NREP: variants seen among roughly 807,000 people sequenced by gnomAD.
The protein encoded by NREP is neuronal regeneration related protein.
A neutral mutation model predicts 8.6 loss-of-function variants in NREP; 5 were observed. The observed-to-expected ratio is 0.58, with a 90% CI of 0.30 to 1.22. The LOEUF is 1.22. Ranked by LOEUF, NREP falls within the 50% of genes most tolerant of loss-of-function variation. The pLI is 0.07. For synonymous variants in NREP, 27 were observed against 28.0 expected (o/e 0.96, Z 0.11); for missense variants, 86 against 82.5 (o/e 1.04, Z -0.17).
At chr5:111,887,036 G>A (rs1754270816) in intron 2 of NREP, among the ~76,000 whole-genome samples, 1 of 151,610 alleles carries the variant, frequency 6.6e-6, no homozygotes, top group African/African-American at 2.4e-5. Context: ...TGATCCTCAT[G>A]CCTCACCCTC....
At chr5:111,851,902 A>G (rs141257117) in intron 2 of NREP, among the ~76,000 whole-genome samples, 1 of 152,300 alleles carries the variant, frequency 6.6e-6, no homozygotes, top group Non-Finnish European at 1.5e-5. Context: ...TTGTCAACTT[A>G]AAATAAAATG....
intron 2 of NREP, among the ~76,000 whole-genome samples, chr5:111,908,791 C>T (rs1754837641): frequency 6.6e-6 from 1 of 151,956 alleles, no homozygotes; most frequent in Non-Finnish European, 1.5e-5. Flanking sequence ...GATATATACC[C>T]ACTAACGGAA....
intron 2 of NREP, among the ~76,000 whole-genome samples, chr5:111,788,532 T>C (rs746007557): frequency 6.6e-6 from 1 of 152,184 alleles, no homozygotes; most frequent in Non-Finnish European, 1.5e-5. Context: ...CAGAACTGAC[T>C]GGGAAGAACA....
In NREP at chr5:111,819,195, C is replaced by T. The variant is rs140204269; in HGVS notation, c.136-83688G>A. Among the ~76,000 whole-genome samples the T allele has an allele frequency of 3.5e-3, 533 of 152,226 alleles. 6 individuals are homozygous for T. The highest frequency in any genetic ancestry group is 0.012 in the African/African-American group (513 of 41,534). Reference sequence around the variant, plus strand: ...TGGTCACCTGCTTTGACCTGAGTCACCCCTGGTCACCTGCTCTGACCTGAA... The same window carrying T: ...TGGTCACCTGCTTTGACCTGAGTCATCCCTGGTCACCTGCTCTGACCTGAA... On this transcript the variant is annotated intron_variant, in intron 2 of 3. Transcript: ENST00000395634.
chr5:111,917,729 A>T, intron 2 of NREP, among the ~76,000 whole-genome samples: 1 of 152,204 alleles, frequency 6.6e-6, no homozygotes, highest in East Asian at 1.9e-4. Context: ...AGAGCTATTT[A>T]TGACAAACCC....
intron 2 of NREP, among the ~76,000 whole-genome samples, chr5:111,859,853 C>G (rs1172078765): frequency 6.6e-6 from 1 of 152,042 alleles, no homozygotes. Flanking sequence ...TAAACATAAA[C>G]CTAAATTAAT....
At chr5:111,761,623 T>A (rs1750961636), upstream of NREP, among the ~76,000 whole-genome samples, 1 of 152,214 alleles carries the variant, frequency 6.6e-6, no homozygotes, top group Non-Finnish European at 1.5e-5. Context: ...AAGGAACAGA[T>A]CGCAGGATAC....
intron 2 of NREP, among the ~76,000 whole-genome samples, chr5:111,949,196 T>C (rs2112630884): frequency 6.6e-6 from 1 of 152,152 alleles, no homozygotes; most frequent in East Asian, 1.9e-4. Context: ...CCACCACAAA[T>C]GCTGTCATGT....
intron 2 of NREP, among the ~76,000 whole-genome samples, chr5:111,965,388 A>G (rs1477278580): frequency 6.6e-6 from 1 of 152,202 alleles, no homozygotes; most frequent in Non-Finnish European, 1.5e-5. Flanking sequence ...TATTGGCAGG[A>G]GGTTGTATCT....
intron 2 of NREP, among the ~76,000 whole-genome samples, chr5:111,840,692 C>A (rs1753007635): frequency 6.6e-6 from 1 of 152,064 alleles, no homozygotes; most frequent in African/African-American, 2.4e-5. Flanking sequence ...TTATTAAATA[C>A]TTATAAACTG....
intron 2 of NREP, among the ~76,000 whole-genome samples, chr5:111,902,061 T>C (rs1215271935): frequency 6.6e-6 from 1 of 152,098 alleles, no homozygotes; most frequent in Non-Finnish European, 1.5e-5. Flanking sequence ...ACTACAAAGC[T>C]ACTGTAACCA....
chr5:111,923,639 G>A (rs1253904239), intron 2 of NREP, among the ~76,000 whole-genome samples: 1 of 152,140 alleles, frequency 6.6e-6, no homozygotes, highest in Non-Finnish European at 1.5e-5. Flanking sequence ...GCACCAGTAG[G>A]GCCACTGCTG....
upstream of NREP, chr5:111,757,973 G>A (rs1257619364): frequency 2.0e-6 from 2 of 985,414 alleles, no homozygotes; most frequent in African/African-American, 1.7e-5. Context: ...GAGGAAAAGA[G>A]GACGGCGACG....
chr5:111,939,574 C>T (rs368910380), intron 2 of NREP, among the ~76,000 whole-genome samples: 28 of 152,138 alleles, frequency 1.8e-4, no homozygotes, highest in African/African-American at 5.8e-4. Flanking sequence ...AAAAAAAATT[C>T]GAGTTGCCGC....
upstream of NREP, among the ~76,000 whole-genome samples, chr5:111,760,441 C>T (rs1009695701): frequency 5.3e-5 from 8 of 152,070 alleles, no homozygotes; most frequent in East Asian, 1.9e-4. Flanking sequence ...GGGAAGTAGG[C>T]GATGTCCTTA....
At chr5:111,767,613 A>C (rs1239043133) in intron 2 of NREP, among the ~76,000 whole-genome samples, 2 of 151,940 alleles carry the variant, frequency 1.3e-5, no homozygotes, top group African/African-American at 4.8e-5. Flanking sequence ...ACTTGTCCCC[A>C]ATTTGTGTTA....
At chr5:111,814,373 T>C (rs895329028) in intron 2 of NREP, among the ~76,000 whole-genome samples, 1 of 152,118 alleles carries the variant, frequency 6.6e-6, no homozygotes, top group African/African-American at 2.4e-5. Flanking sequence ...TAGTAGGGTA[T>C]GTTGTGGGCC....
chr5:111,892,731 A>G (rs942142600), intron 2 of NREP, among the ~76,000 whole-genome samples: 1 of 152,130 alleles, frequency 6.6e-6, no homozygotes, highest in Non-Finnish European at 1.5e-5. Flanking sequence ...TCTCTTCTGA[A>G]TGTATTAACA....
intron 2 of NREP, among the ~76,000 whole-genome samples, chr5:111,947,185 A>T (rs931018642): frequency 6.6e-6 from 1 of 152,050 alleles, no homozygotes; most frequent in Non-Finnish European, 1.5e-5. Flanking sequence ...AATATCTCAT[A>T]GTTGTCTGTA....
Sources: allele counts gnomAD v4.1 joint callset (sites outside exome capture counted in the v4.1 genomes callset), GRCh38; gene constraint gnomAD v4.1.1; transcripts MANE v1.5; gene names NCBI Gene and HGNC (gene_info 2026-07-23, HGNC 2026-07-21).